The following MRTFA variants were observed in gnomAD, a reference collection of about 807,000 sequenced individuals.
The protein encoded by MRTFA is myocardin related transcription factor A, also known as myocardin-related transcription factor A.
Under a neutral mutation model 83.5 loss-of-function variants are expected in MRTFA, and 20 were observed. The observed-to-expected ratio is 0.24, with a 90% CI of 0.17 to 0.35. The LOEUF (loss-of-function observed/expected upper bound fraction) is 0.35, where lower values mean the gene tolerates loss of function less well. Ranked by LOEUF, MRTFA falls within the 10% of genes least tolerant of loss-of-function variation. MRTFA has a pLI of 1.00. For synonymous variants in MRTFA, 659 were observed against 541.2 expected (o/e 1.22, Z -3.02); for missense variants, 1,200 against 1,224.7 (o/e 0.98, Z 0.30).
chr22:40,591,395 C>G lies in MRTFA; in HGVS notation c.-22+3279G>C, dbSNP rs2056119282. Among the ~76,000 whole-genome samples the G allele has an allele frequency of 4.0e-5, 6 of 151,346 alleles. No individual in the cohort carries two copies. The South Asian group carries it at 1.2e-3, about 32-fold the overall frequency. ...TGTTGAGAAAATGTAATAAAAATAACAAAAGAGTGGTATGTTTGACCAGTA... is the reference window on the plus strand; with the variant it reads ...TGTTGAGAAAATGTAATAAAAATAAGAAAAGAGTGGTATGTTTGACCAGTA... On this transcript the variant is annotated intron_variant, in intron 2 of 14. Transcript: ENST00000355630.
chr22:40,600,618 A>C (rs1007939132), intron 1 of MRTFA, among the ~76,000 whole-genome samples: 2 of 152,208 alleles, frequency 1.3e-5, no homozygotes, highest in Non-Finnish European at 2.9e-5. Context: ...CCAGATGCAG[A>C]ATTCAACCGA....
chr22:40,486,859 G>A (rs2054182404), intron 3 of MRTFA, among the ~76,000 whole-genome samples: 1 of 152,226 alleles, frequency 6.6e-6, no homozygotes, highest in Admixed American at 6.5e-5. Context: ...TGTGGTCCCA[G>A]CTACTTGGGG....
chr22:40,424,997 T>C (rs1053962331), intron 7 of MRTFA, among the ~76,000 whole-genome samples: 2 of 152,142 alleles, frequency 1.3e-5, no homozygotes, highest in Non-Finnish European at 2.9e-5. Flanking sequence ...ACAGGTGAAA[T>C]GGAGGTGGTG....
chr22:40,509,031 A>G (rs1157662039), intron 3 of MRTFA, among the ~76,000 whole-genome samples: 1 of 152,150 alleles, frequency 6.6e-6, no homozygotes, highest in Non-Finnish European at 1.5e-5. Flanking sequence ...GAATGCTTGT[A>G]TTTGTATTTA....
At chr22:40,507,879 C>T (rs1237303438) in intron 3 of MRTFA, among the ~76,000 whole-genome samples, 1 of 141,526 alleles carries the variant, frequency 7.1e-6, no homozygotes, top group Non-Finnish European at 1.5e-5. Context: ...ATGAGAATTG[C>T]TTGAACCCGG....
At chr22:40,611,718 T>C (rs942923620) in intron 1 of MRTFA, among the ~76,000 whole-genome samples, 1 of 152,174 alleles carries the variant, frequency 6.6e-6, no homozygotes, top group African/African-American at 2.4e-5. Flanking sequence ...AAAGTTCTGT[T>C]TGAAGAAAAA....
intron 1 of MRTFA, among the ~76,000 whole-genome samples, chr22:40,630,211 G>T (rs950620869): frequency 1.3e-5 from 2 of 152,096 alleles, no homozygotes; most frequent in African/African-American, 4.8e-5. Context: ...AGCTACTTGG[G>T]AAGCTGAGGC....
chr22:40,438,580 A>G (rs2053214868), intron 4 of MRTFA, among the ~76,000 whole-genome samples: 1 of 152,324 alleles, frequency 6.6e-6, no homozygotes, highest in Non-Finnish European at 1.5e-5. Flanking sequence ...TACAGCATAC[A>G]TAGTCCCCCT....
chr22:40,530,841 T>G (rs1187656828), intron 3 of MRTFA, among the ~76,000 whole-genome samples: 3 of 152,208 alleles, frequency 2.0e-5, no homozygotes, highest in African/African-American at 7.2e-5. Flanking sequence ...GGTAGAAGAT[T>G]CATTTCTTAA....
intron 3 of MRTFA, among the ~76,000 whole-genome samples, chr22:40,518,646 T>A (rs950847617): frequency 1.3e-5 from 2 of 151,382 alleles, no homozygotes; most frequent in African/African-American, 4.9e-5. Context: ...ACAAAAAAAA[T>A]TAGCTGGGTG....
rs983398722 is a variant in MRTFA, at chr22:40,411,330, G to A, written c.*60C>T. On this transcript the variant is annotated 3_prime_UTR_variant, in exon 15 of 15. Transcript: ENST00000355630. ...TGGAGAGGCCGAATCACGCAGGAGA[G>A]CCACGCATTGGAGTACCCTGGCTCC... The A allele has an allele frequency of 4.7e-6, 7 of 1,492,462 alleles. No individual in the cohort carries two copies. Among genetic ancestry groups the A allele is most frequent in the Non-Finnish European group, 5.4e-6 (6 of 1,110,826 alleles). 92.5% of individuals were successfully genotyped at this position (1,492,462 alleles called of 1,614,324 possible). A position where few individuals can be genotyped will look rare whatever the true frequency, so the allele number is the denominator to read the frequency against.
At chr22:40,610,479 T>A (rs1348441007) in intron 1 of MRTFA, among the ~76,000 whole-genome samples, 1 of 152,176 alleles carries the variant, frequency 6.6e-6, no homozygotes, top group Non-Finnish European at 1.5e-5. Flanking sequence ...ATTGCTGCTG[T>A]AGGAACTGCC....
At chr22:40,527,673 G>A (rs1002299277) in intron 3 of MRTFA, among the ~76,000 whole-genome samples, 7 of 151,240 alleles carry the variant, frequency 4.6e-5, no homozygotes, top group Admixed American at 2.0e-4. Flanking sequence ...GCAGGAGAAT[G>A]GAGTGAACCC....
intron 7 of MRTFA, among the ~76,000 whole-genome samples, chr22:40,429,108 T>C (rs1026304039): frequency 6.6e-6 from 1 of 152,176 alleles, no homozygotes; most frequent in Non-Finnish European, 1.5e-5. Flanking sequence ...GTGAGCTCCA[T>C]AAGGACAAAG....
In MRTFA at chr22:40,464,662, T is replaced by C. The variant is rs895634727; in HGVS notation, c.242-1376A>G. Among the ~76,000 whole-genome samples the C allele has an allele frequency of 3.3e-5, 5 of 152,190 alleles. No homozygotes were observed. In the East Asian group the frequency reaches 5.8e-4, roughly 18 times the overall value. On this transcript the variant is annotated intron_variant, in intron 3 of 14. Coordinates refer to ENST00000355630, the MANE Select transcript of MRTFA (RefSeq NM_020831.6). ...AGGAACCAGAATCTACTGGGAATCATCTTAATATCTGCCTTTTTCTATCCA... is the reference window on the plus strand; with the variant it reads ...AGGAACCAGAATCTACTGGGAATCACCTTAATATCTGCCTTTTTCTATCCA...
In MRTFA at chr22:40,517,245, G is replaced by A. The variant is rs535651390; in HGVS notation, c.241+34861C>T. ...GCCCCTTAAAATACATATTCTAAAA[G>A]AAGAAAAAGTTGGAGGTTTTTTTGT... On this transcript the variant is annotated intron_variant, in intron 3 of 14. Coordinates refer to ENST00000355630, the MANE Select transcript of MRTFA (RefSeq NM_020831.6). 5.3e-5 allele frequency among the ~76,000 whole-genome samples: 8 copies of A among 152,210 alleles called. No individual in the cohort carries two copies. The East Asian group carries it at 1.5e-3, about 29-fold the overall frequency.
At chr22:40,448,992 G>A (rs1236276336) in intron 4 of MRTFA, among the ~76,000 whole-genome samples, 5 of 152,182 alleles carry the variant, frequency 3.3e-5, no homozygotes, top group Admixed American at 2.6e-4. Context: ...TCAGCCGGGC[G>A]CAGTGGCTCA....
At chr22:40,476,865 T>G (rs1569287071) in intron 3 of MRTFA, among the ~76,000 whole-genome samples, 1 of 152,138 alleles carries the variant, frequency 6.6e-6, no homozygotes, top group Non-Finnish European at 1.5e-5. Flanking sequence ...TCTGGCTTGT[T>G]TTTAATATAA....
chr22:40,541,337 T>C (rs767321889), intron 3 of MRTFA, among the ~76,000 whole-genome samples: 1 of 152,216 alleles, frequency 6.6e-6, no homozygotes, highest in Non-Finnish European at 1.5e-5. Context: ...TCTGTGCCCA[T>C]TTCTGATTTG....
Sources: gnomAD v4.1 joint callset for allele counts (sites outside exome capture counted in the v4.1 genomes callset) on GRCh38, gnomAD v4.1.1 for gene constraint, MANE v1.5 for transcripts, NCBI Gene and HGNC (gene_info 2026-07-23, HGNC 2026-07-21) for gene names.